Variants in SPAG9 observed in about 807,000 individuals in gnomAD.
SPAG9 encodes sperm associated antigen 9, also known as C-Jun-amino-terminal kinase-interacting protein 4.
A neutral mutation model predicts 166.5 loss-of-function variants in SPAG9; 35 were observed. The ratio of observed to expected loss-of-function variants is 0.21; its 90% confidence interval spans 0.16 to 0.28. The LOEUF (loss-of-function observed/expected upper bound fraction) is 0.28, where lower values mean the gene tolerates loss of function less well. Ranked by LOEUF, SPAG9 falls within the 10% of genes least tolerant of loss-of-function variation. The pLI, the probability that SPAG9 is intolerant of heterozygous loss-of-function variation, is 1.00. For missense variants in SPAG9, 1,235 were observed against 1,603.3 expected (o/e 0.77, Z 3.92); for synonymous variants, 534 against 565.5 (o/e 0.94, Z 0.79).
chr17:51,074,912 C>T (rs1157543136), intron 2 of SPAG9, among the ~76,000 whole-genome samples: 2 of 151,870 alleles, frequency 1.3e-5, no homozygotes, highest in Non-Finnish European at 2.9e-5. Context: ...TAAGAAACCA[C>T]TAGGCCAGGC....
At chr17:51,062,872 G>A (rs2047556643) in intron 2 of SPAG9, among the ~76,000 whole-genome samples, 1 of 152,244 alleles carries the variant, frequency 6.6e-6, no homozygotes, top group Admixed American at 6.5e-5. Flanking sequence ...TTACAGGCGT[G>A]AGCCACCACA....
intron 2 of SPAG9, among the ~76,000 whole-genome samples, chr17:51,070,266 A>G (rs2047787501): frequency 6.6e-6 from 1 of 152,220 alleles, no homozygotes; most frequent in Non-Finnish European, 1.5e-5. Context: ...TTCCTAAGAG[A>G]GAATCAAATA....
At chr17:50,970,586 T>C (rs1306706694) in intron 29 of SPAG9, 121 bp downstream of exon 29, 5 of 728,474 alleles carry the variant, frequency 6.9e-6, no homozygotes, top group African/African-American at 1.8e-5. Flanking sequence ...TCCTTTCGTG[T>C]GTAAAGAGCT....
intron 1 of SPAG9, among the ~76,000 whole-genome samples, chr17:51,093,538 T>TA (rs960867090): frequency 2.6e-5 from 4 of 151,300 alleles, no homozygotes; most frequent in Non-Finnish European, 4.4e-5. Flanking sequence ...CCGTCTCTAC[T>TA]AAAAAAATCA....
intron 2 of SPAG9, among the ~76,000 whole-genome samples, chr17:51,063,131 G>A (rs1384633300): frequency 2.3e-4 from 35 of 152,032 alleles, no homozygotes; most frequent in Non-Finnish European, 4.4e-5. Flanking sequence ...TATGCTGGCC[G>A]GGCACAGTGG....
chr17:51,056,887 T>C (rs1363712786), intron 2 of SPAG9, among the ~76,000 whole-genome samples: 1 of 152,198 alleles, frequency 6.6e-6, no homozygotes, highest in East Asian at 1.9e-4. Flanking sequence ...TAAGTACTTT[T>C]TCTGCTTCAG....
intron 3 of SPAG9, among the ~76,000 whole-genome samples, chr17:51,051,175 T>A (rs1031646664): frequency 3.3e-5 from 5 of 152,112 alleles, no homozygotes; most frequent in Non-Finnish European, 7.4e-5. Flanking sequence ...AGTGGCACAA[T>A]CTCAGCTCAC....
In SPAG9 at chr17:51,001,844, C is replaced by T. The variant is rs753164661; in HGVS notation, c.1478G>A (p.Ser493Asn). The change falls in exon 13 of 30, where the codon AGT becomes AAT. Residue 493 changes from serine to asparagine, a missense_variant and splice_region_variant. By Grantham distance (46) the Ser-to-Asn change is conservative. Around this residue, in one of 6 missense-constraint regions of SPAG9, gnomAD observed 125 missense variants for 194.0 expected, o/e 0.64. Transcript: ENST00000262013. ...TTTCCTCTGGGCTGTGGGAATATCA[C>T]TCTATAATGACAAGAAAATGACATA... ...ARQKAKDDDD[S>N]DIPTAQRKRF... 6.2e-7 allele frequency: 1 copy of T among 1,611,498 alleles called. No individual in the cohort carries two copies. The highest frequency in any genetic ancestry group is 8.5e-7 in the Non-Finnish European group (1 of 1,179,138).
intron 28 of SPAG9, among the ~76,000 whole-genome samples, chr17:50,973,494 A>C (rs1973974703): frequency 6.6e-6 from 1 of 152,222 alleles, no homozygotes; most frequent in Admixed American, 6.5e-5. Context: ...GTTGTTAAGA[A>C]TAACTGAATA....
At chr17:50,994,840 T>C (rs764492505) in intron 18 of SPAG9, among the ~76,000 whole-genome samples, 9 of 138,136 alleles carry the variant, frequency 6.5e-5, no homozygotes, top group South Asian at 2.1e-4. Flanking sequence ...CGTGTACACA[T>C]GTGTCAAAAC....
At chr17:50,981,483 AAGATAGATAGAT>A (rs71353692) in intron 25 of SPAG9, among the ~76,000 whole-genome samples, 19,491 of 143,824 alleles carry the variant, frequency 0.14, 1,360 homozygotes, top group Admixed American at 0.17. Context: ...TACACAGATA[AAGATAGATAGAT>A]AGATAGATAG....
intron 2 of SPAG9, among the ~76,000 whole-genome samples, chr17:51,071,578 A>C (rs545030163): frequency 6.6e-6 from 1 of 152,372 alleles, no homozygotes; most frequent in East Asian, 1.9e-4. Flanking sequence ...TCCAAAATCA[A>C]ACATGACCAA....
chr17:50,975,004 A>C, intron 27 of SPAG9, 57 bp from the exon 28 acceptor site: 1 of 1,507,464 alleles, frequency 6.6e-7, no homozygotes, highest in Non-Finnish European at 9.1e-7. Context: ...TAATGAATGT[A>C]AGAGGTTACT....
chr17:51,067,675 T>A (rs2144579655), intron 2 of SPAG9, among the ~76,000 whole-genome samples: 1 of 151,744 alleles, frequency 6.6e-6, no homozygotes, highest in East Asian at 1.9e-4. Context: ...GATAAGTAAC[T>A]GCCATTTTTA....
At chr17:51,113,755 G>A (rs2049197453) in intron 1 of SPAG9, among the ~76,000 whole-genome samples, 1 of 151,990 alleles carries the variant, frequency 6.6e-6, no homozygotes, top group South Asian at 2.1e-4. Flanking sequence ...ACAGCACTTT[G>A]GGAGGCTGAG....
intron 2 of SPAG9, among the ~76,000 whole-genome samples, chr17:51,067,171 C>G (rs1298894532): frequency 6.6e-6 from 1 of 151,992 alleles, no homozygotes; most frequent in Non-Finnish European, 1.5e-5. Flanking sequence ...ACACCAAGAT[C>G]AAATAATACA....
rs749594432 is a variant in SPAG9 at position 51,047,383 on chromosome 17, A to G, written c.582T>C (p.Ser194=). The part of the protein sequence containing the change: ...GSDQLESTAH[S]RIRKERPISL... ...TATATAACAAAGCTTACCTAATTCTACTATGAGCTGTGGATTCTAGTTGAT... is the reference window on the plus strand; with the variant it reads ...TATATAACAAAGCTTACCTAATTCTGCTATGAGCTGTGGATTCTAGTTGAT... The change falls in exon 4 of 30, where the codon AGT becomes AGC. Residue 194 remains serine, a synonymous_variant. Coordinates refer to ENST00000262013, the MANE Select transcript of SPAG9 (RefSeq NM_001130528.3). 8 of 1,553,628 alleles carry G rather than the reference A, an allele frequency of 5.1e-6. No homozygotes were observed. Among genetic ancestry groups the G allele is most frequent in the South Asian group, 1.2e-5 (1 of 86,146 alleles).
In SPAG9 at chr17:51,068,851, AGAC is replaced by A. The variant is rs555173564; in HGVS notation, c.424+10730_424+10732del. ...AAATTACAACTTTAAGCTTCTCAATAGACAACACTAGACTCAAAAATGAAAGAG... is the reference window on the plus strand; with the variant it reads ...AAATTACAACTTTAAGCTTCTCAATAAACACTAGACTCAAAAATGAAAGAG... On this transcript the variant is annotated intron_variant, in intron 2 of 29. Transcript: ENST00000262013. Among the ~76,000 whole-genome samples the A allele has an allele frequency of 1.4e-4, 21 of 152,324 alleles. No homozygotes were observed. The East Asian group carries it at 3.9e-3, about 28-fold the overall frequency.
chr17:51,066,779 C>A (rs747540978), intron 2 of SPAG9, among the ~76,000 whole-genome samples: 1 of 151,828 alleles, frequency 6.6e-6, no homozygotes, highest in Non-Finnish European at 1.5e-5. Context: ...GTAGTCCCAG[C>A]TACTAGGGAG....
Sources: allele counts gnomAD v4.1 joint callset (sites outside exome capture counted in the v4.1 genomes callset), GRCh38; gene constraint gnomAD v4.1.1; regional missense constraint gnomAD v4.1.1; transcripts MANE v1.5; gene names NCBI Gene and HGNC (gene_info 2026-07-23, HGNC 2026-07-21).